Variants in SH3KBP1 observed in about 807,000 individuals in gnomAD.
The protein encoded by SH3KBP1 is SH3 domain containing kinase binding protein 1.
SH3KBP1 carries 8 observed loss-of-function variants against 50.1 expected under a neutral mutation model. The ratio of observed to expected loss-of-function variants is 0.16; its 90% CI spans 0.09 to 0.29. The LOEUF is 0.29. Among genes scored for constraint, SH3KBP1 ranks in the 10% least tolerant of loss-of-function variants. The probability of loss-of-function intolerance (pLI) is 1.00; values close to 1 mark genes in which losing one functional copy is unlikely to be tolerated. For synonymous variants in SH3KBP1, 227 were observed against 218.6 expected, an observed-to-expected ratio of 1.04 and a Z score of -0.34; for missense variants, 377 against 535.2, an observed-to-expected ratio of 0.70 and a Z score of 2.92.
chrX:19,641,817 G>A, intron 7 of SH3KBP1, among the ~76,000 whole-genome samples: 1 of 111,497 alleles, frequency 9.0e-6, no homozygotes. Flanking sequence ...TGGCAAAGGG[G>A]ACCAATGGCT....
At chrX:19,727,685 C>T (rs935328753) in intron 3 of SH3KBP1, among the ~76,000 whole-genome samples, 2 of 112,399 alleles carry the variant, frequency 1.8e-5, no homozygotes, top group Admixed American at 1.9e-4. Flanking sequence ...ATTAAACATG[C>T]TTTAAAAAAT....
In SH3KBP1 at chrX:19,863,355, G is replaced by A. The variant is rs904898252; in HGVS notation, c.4+23952C>T. Among the ~76,000 whole-genome samples the A allele has an allele frequency of 4.7e-4, 52 of 111,254 alleles. No individual in the cohort carries two copies. In the Admixed American group the frequency reaches 5.0e-3, roughly 11 times the overall value. On this transcript the variant is annotated intron_variant, in intron 1 of 17. Coordinates refer to ENST00000397821, the MANE Select transcript of SH3KBP1 (RefSeq NM_031892.3). Reference sequence around the variant, plus strand: ...AGGGACTATAGGTATGTGCCACCACGCCCAGCTAAAGCAGGGCTCTCTTCA... The same window carrying A: ...AGGGACTATAGGTATGTGCCACCACACCCAGCTAAAGCAGGGCTCTCTTCA...
chrX:19,621,562 C>T (rs923237586), intron 8 of SH3KBP1, among the ~76,000 whole-genome samples: 1 of 110,165 alleles, frequency 9.1e-6, no homozygotes, highest in Admixed American at 9.6e-5. Flanking sequence ...CTATGGTCCA[C>T]AAACTAAGAA....
At chrX:19,539,619 G>A (rs886328950) in intron 16 of SH3KBP1, among the ~76,000 whole-genome samples, 1 of 111,900 alleles carries the variant, frequency 8.9e-6, no homozygotes. Context: ...GAAAATGAGC[G>A]TAAGTCTATG....
chrX:19,568,724 T>C (rs771112525), intron 13 of SH3KBP1, among the ~76,000 whole-genome samples: 5 of 112,920 alleles, frequency 4.4e-5, no homozygotes, highest in Non-Finnish European at 9.4e-5. Context: ...CAGTCAAAAG[T>C]GCTGTATCAA....
Position 19,588,822 on chromosome X carries a change from G to A in SH3KBP1, c.1139-20C>T. The A allele has an allele frequency of 9.0e-7, 1 of 1,105,109 alleles. No individual in the cohort carries two copies. The allele number at this position is 1,105,109 out of a possible 1,213,427, so 91.1% of individuals were successfully genotyped here. ...GTCTTTCTTTAAATCATTGTTTAAA[G>A]AAAACAGATAGATCGAGTGTAAGTG... On this transcript the variant is annotated intron_variant, in intron 11 of 17. Coordinates refer to ENST00000397821, the MANE Select transcript of SH3KBP1 (RefSeq NM_031892.3).
chrX:19,783,612 T>A (rs766100016), intron 2 of SH3KBP1, among the ~76,000 whole-genome samples: 2 of 111,400 alleles, frequency 1.8e-5, no homozygotes, highest in South Asian at 7.6e-4. Flanking sequence ...GCTCAGACTT[T>A]TTAGCTCCCA....
At chrX:19,769,776 C>T (rs1321026782) in intron 2 of SH3KBP1, among the ~76,000 whole-genome samples, 1 of 110,877 alleles carries the variant, frequency 9.0e-6, no homozygotes, top group Non-Finnish European at 1.9e-5. Context: ...TCCTAAATGG[C>T]AGATAAGTCA....
chrX:19,668,905 T>C (rs1428566143), intron 6 of SH3KBP1, among the ~76,000 whole-genome samples: 2 of 85,093 alleles, frequency 2.4e-5, no homozygotes, highest in Non-Finnish European at 4.7e-5. Context: ...ATGTTAACTA[T>C]GGTTGTTCCT....
intron 8 of SH3KBP1, among the ~76,000 whole-genome samples, chrX:19,625,934 GAA>G (rs1464147354): frequency 8.9e-6 from 1 of 111,759 alleles, no homozygotes; most frequent in African/African-American, 3.3e-5. Context: ...AGTCCCTCGG[GAA>G]AGCTGCTTCA....
intron 1 of SH3KBP1, among the ~76,000 whole-genome samples, chrX:19,861,102 C>A (rs764601193): frequency 2.4e-4 from 27 of 111,716 alleles, no homozygotes; most frequent in African/African-American, 8.5e-4. Flanking sequence ...GCAGGCCAGG[C>A]GCGGTGGCTC....
At chrX:19,702,255 G>A (rs773062422) in intron 4 of SH3KBP1, among the ~76,000 whole-genome samples, 1 of 111,847 alleles carries the variant, frequency 8.9e-6, no homozygotes, top group Non-Finnish European at 1.9e-5. Context: ...GACTTCTCAT[G>A]GGCAAAAAAT....
intron 2 of SH3KBP1, among the ~76,000 whole-genome samples, chrX:19,783,875 A>G (rs191759390): frequency 3.6e-5 from 4 of 111,924 alleles, no homozygotes; most frequent in Admixed American, 1.9e-4. Context: ...CATGCAATCA[A>G]TTCACTGGTT....
At chrX:19,796,006 G>T (rs1157437842) in intron 2 of SH3KBP1, among the ~76,000 whole-genome samples, 1 of 111,573 alleles carries the variant, frequency 9.0e-6, no homozygotes, top group Non-Finnish European at 1.9e-5. Flanking sequence ...GCCACCAATC[G>T]GTGGGCCACG....
At chrX:19,611,402 G>A (rs1487359956) in intron 8 of SH3KBP1, among the ~76,000 whole-genome samples, 9 of 111,804 alleles carry the variant, frequency 8.0e-5, no homozygotes, top group Non-Finnish European at 1.5e-4. Context: ...CGCCCAGGCT[G>A]GAGTGCAGTG....
At position 19,861,826 on chromosome X, in the gene SH3KBP1, T is replaced by C. The variant is rs371894488; in HGVS notation, c.4+25481A>G. Among the ~76,000 whole-genome samples, 20 of 112,188 alleles carry C rather than the reference T, an allele frequency of 1.8e-4. 2 individuals carry two copies. Among genetic ancestry groups the C allele is most frequent in the Admixed American group, 1.3e-3 (14 of 10,588 alleles). On this transcript the variant is annotated intron_variant, in intron 1 of 17. Transcript: ENST00000397821. The stretch of plus-strand genomic sequence containing the variant: ...GGAGCATTGTCATGGTGAAGAACTC[T>C]CTGGTGAACTGTTCCTGGATGTTCT...
intron 6 of SH3KBP1, among the ~76,000 whole-genome samples, chrX:19,681,327 T>C (rs933929929): frequency 2.7e-5 from 3 of 112,248 alleles, no homozygotes; most frequent in African/African-American, 9.7e-5. Context: ...ACAATTGATA[T>C]ATTTTCAACT....
At position 19,842,760 on chromosome X, in the gene SH3KBP1, A is replaced by G. The variant is rs1341727599; in HGVS notation, c.5-6478T>C. On this transcript the variant is annotated intron_variant, in intron 1 of 17. Coordinates refer to ENST00000397821, the MANE Select transcript of SH3KBP1 (RefSeq NM_031892.3). ...CAGCCAATGTATGACATAGGACCCA[A>G]CTGTGATCAAAGCAATGTGACAAAC... 3.6e-5 allele frequency among the ~76,000 whole-genome samples: 4 copies of G among 109,670 alleles called. No individual in the cohort carries two copies. The Admixed American group carries it at 3.9e-4, about 11-fold the overall frequency.
intron 12 of SH3KBP1, among the ~76,000 whole-genome samples, chrX:19,570,031 A>G (rs1358923408): frequency 8.9e-6 from 1 of 112,315 alleles, no homozygotes; most frequent in Non-Finnish European, 1.9e-5. Context: ...AGTAACAGAA[A>G]TAGTCCATCT....
Sources: allele counts gnomAD v4.1 joint callset (sites outside exome capture counted in the v4.1 genomes callset), GRCh38; gene constraint gnomAD v4.1.1; transcripts MANE v1.5; gene names NCBI Gene and HGNC (gene_info 2026-07-23, HGNC 2026-07-21).